FMN2: variants seen among roughly 807,000 people sequenced by gnomAD.
FMN2 encodes the protein formin 2, also known as formin-2.
In FMN2, 51 loss-of-function variants were observed where a neutral mutation model predicts 142.3. The observed-to-expected ratio is 0.36, with a 90% CI of 0.29 to 0.45. The LOEUF (loss-of-function observed/expected upper bound fraction) is 0.45. FMN2 is among the 20% of genes least tolerant of loss of function. The pLI is 1.00. For missense variants in FMN2, 1,936 were observed against 2,122.8 expected, an observed-to-expected ratio of 0.91 and a Z score of 1.73; for synonymous variants, 882 against 869.8, an observed-to-expected ratio of 1.01 and a Z score of -0.25.
chr1:240,434,515 G>A (rs184804109), intron 15 of FMN2, among the ~76,000 whole-genome samples: 1 of 148,858 alleles, frequency 6.7e-6, no homozygotes, highest in Non-Finnish European at 1.5e-5. Context: ...TTATTGTCCT[G>A]TTATTTGCTT....
At chr1:240,294,801 A>G (rs1336474504) in intron 7 of FMN2, 21 bp from the exon 8 acceptor site, 4 of 1,613,122 alleles carry the variant, frequency 2.5e-6, no homozygotes, top group African/African-American at 2.7e-5. Flanking sequence ...GGCAATTTAT[A>G]TTCTTCTTTT....
At chr1:240,468,968 CTTG>C (rs1676723835) in intron 16 of FMN2, among the ~76,000 whole-genome samples, 1 of 152,100 alleles carries the variant, frequency 6.6e-6, no homozygotes, top group African/African-American at 2.4e-5. Flanking sequence ...GGAAAAATGT[CTTG>C]TTGTCAGAGT....
intron 15 of FMN2, among the ~76,000 whole-genome samples, chr1:240,433,168 A>G (rs1675234080): frequency 6.6e-6 from 1 of 152,044 alleles, no homozygotes; most frequent in African/African-American, 2.4e-5. Context: ...TATGATTGTT[A>G]TGTCTTCTTG....
intron 15 of FMN2, among the ~76,000 whole-genome samples, chr1:240,417,441 T>C (rs1282243465): frequency 2.6e-5 from 4 of 151,956 alleles, no homozygotes; most frequent in Admixed American, 1.3e-4. Flanking sequence ...GGTTTTGTTT[T>C]GTTTTGTTTT....
intron 7 of FMN2, among the ~76,000 whole-genome samples, chr1:240,279,796 G>GA (rs1209780294): frequency 1.3e-5 from 2 of 151,886 alleles, no homozygotes; most frequent in African/African-American, 4.8e-5. Context: ...CTTCAGAAGA[G>GA]AAAAAAGAAA....
intron 5 of FMN2, among the ~76,000 whole-genome samples, chr1:240,210,169 T>C (rs1293079292): frequency 6.6e-6 from 1 of 152,212 alleles, no homozygotes; most frequent in Non-Finnish European, 1.5e-5. Context: ...TATACATTTA[T>C]GTGTCATCTA....
chr1:240,313,748 A>G (rs1187308715), intron 8 of FMN2, among the ~76,000 whole-genome samples: 3 of 152,114 alleles, frequency 2.0e-5, no homozygotes, highest in African/African-American at 2.4e-5. Context: ...CAGGTGGATC[A>G]CTTGAGGTCA....
At chr1:240,307,605 T>G (rs1348836603) in intron 8 of FMN2, among the ~76,000 whole-genome samples, 1 of 152,236 alleles carries the variant, frequency 6.6e-6, no homozygotes, top group Non-Finnish European at 1.5e-5. Flanking sequence ...TTGATCTGTA[T>G]GTCTATTTTT....
chr1:240,205,669 G>A (rs201723041), intron 4 of FMN2, among the ~76,000 whole-genome samples: 4 of 151,612 alleles, frequency 2.6e-5, no homozygotes, highest in African/African-American at 4.8e-5. Context: ...CACTGTGTTA[G>A]CCAGGATTGC....
chr1:240,298,346 G>A (rs966258803), intron 8 of FMN2, among the ~76,000 whole-genome samples: 5 of 152,154 alleles, frequency 3.3e-5, no homozygotes, highest in African/African-American at 1.2e-4. Context: ...GCAAATTCCT[G>A]ATTAATATCT....
intron 15 of FMN2, among the ~76,000 whole-genome samples, chr1:240,413,022 A>G (rs1161346985): frequency 7.0e-6 from 1 of 143,402 alleles, no homozygotes; most frequent in Non-Finnish European, 1.5e-5. Flanking sequence ...ACTCGGGAGA[A>G]TGAGGTAGGA....
intron 6 of FMN2, among the ~76,000 whole-genome samples, chr1:240,219,999 G>C (rs180945041): frequency 2.0e-5 from 3 of 152,024 alleles, no homozygotes; most frequent in Non-Finnish European, 4.4e-5. Context: ...TTTAGTTTTT[G>C]TTAATTTATG....
chr1:240,117,483 G>C (rs894432163), intron 1 of FMN2, among the ~76,000 whole-genome samples: 2 of 152,182 alleles, frequency 1.3e-5, no homozygotes, highest in Non-Finnish European at 2.9e-5. Flanking sequence ...CCTGACAAGC[G>C]TGGTGGAGGG....
chr1:240,421,243 A>G (rs1674751653), intron 15 of FMN2, among the ~76,000 whole-genome samples: 1 of 152,180 alleles, frequency 6.6e-6, no homozygotes, highest in Non-Finnish European at 1.5e-5. Flanking sequence ...GAAATGTGGA[A>G]GATCTGAAAG....
At position 240,329,372 on chromosome 1, in the gene FMN2, T is replaced by C. The variant is rs1265826083; in HGVS notation, c.4341T>C (p.Phe1447=). 1.2e-6 allele frequency: 2 copies of C among 1,613,796 alleles called. No homozygotes were observed. Among genetic ancestry groups the C allele is most frequent in the Non-Finnish European group, 8.5e-7 (1 of 1,179,914 alleles). The change falls in exon 10 of 18, where the codon TTT becomes TTC. Residue 1447 remains phenylalanine (F), a synonymous_variant. Coordinates refer to ENST00000319653, the MANE Select transcript of FMN2 (RefSeq NM_020066.5). The part of the protein sequence containing the change: ...FLYELSLIPN[F]SERVFCILFQ... ...ATGAACTGTCACTAATCCCCAACTTTTCAGAGCGAGTCTTTTGCATCCTGT... is the reference window on the plus strand; with the variant it reads ...ATGAACTGTCACTAATCCCCAACTTCTCAGAGCGAGTCTTTTGCATCCTGT...
intron 2 of FMN2, chr1:240,144,458 A>G (rs865796185): frequency 6.3e-7 from 1 of 1,576,548 alleles, no homozygotes; most frequent in Non-Finnish European, 8.7e-7. Context: ...ATCTTCACTC[A>G]GCTCCAGGAA....
At chr1:240,124,034 T>G (rs1253975367) in intron 2 of FMN2, among the ~76,000 whole-genome samples, 1 of 152,236 alleles carries the variant, frequency 6.6e-6, no homozygotes, top group African/African-American at 2.4e-5. Context: ...TCATATTCCA[T>G]TGTATGTATA....
chr1:240,331,880 T>G (rs148631017), intron 11 of FMN2, among the ~76,000 whole-genome samples: 221 of 152,318 alleles, frequency 1.5e-3, no homozygotes, highest in African/African-American at 5.1e-3. Flanking sequence ...GAATATCTCA[T>G]GTAATTTATT....
intron 4 of FMN2, among the ~76,000 whole-genome samples, chr1:240,203,204 C>T (rs1666193684): frequency 2.0e-5 from 3 of 152,086 alleles, no homozygotes; most frequent in African/African-American, 7.2e-5. Context: ...TGTATAGTGG[C>T]CATACAGGAT....
Sources: gnomAD v4.1 joint callset for allele counts (sites outside exome capture counted in the v4.1 genomes callset) on GRCh38, gnomAD v4.1.1 for gene constraint, MANE v1.5 for transcripts, NCBI Gene and HGNC (gene_info 2026-07-23, HGNC 2026-07-21) for gene names.